The following CLTCL1 variants were observed in gnomAD, a reference collection of about 807,000 sequenced individuals.
The protein encoded by CLTCL1 is clathrin heavy chain like 1, also known as clathrin heavy chain 2.
Under a neutral mutation model 190.0 loss-of-function variants are expected in CLTCL1, and 159 were observed. The ratio of observed to expected loss-of-function variants is 0.84; its 90% confidence interval spans 0.74 to 0.95. CLTCL1 has a LOEUF of 0.95. CLTCL1 is among the 40% of genes least tolerant of loss of function. The pLI is 0.00. For missense variants in CLTCL1, 1,878 were observed against 2,033.4 expected (o/e 0.92, Z 1.47); for synonymous variants, 752 against 769.6 (o/e 0.98, Z 0.38).
chr22:19,218,114 A>G (rs1569183838), intron 18 of CLTCL1, among the ~76,000 whole-genome samples: 1 of 152,148 alleles, frequency 6.6e-6, no homozygotes, highest in South Asian at 2.1e-4. Context: ...GGAGGTGGCT[A>G]CAGATATCCA....
At chr22:19,234,339 G>C (rs1377510800) in intron 7 of CLTCL1, among the ~76,000 whole-genome samples, 170 bp downstream of exon 7, 1 of 152,150 alleles carries the variant, frequency 6.6e-6, no homozygotes, top group Non-Finnish European at 1.5e-5. Context: ...TGTGTTTTTT[G>C]TTTACTTCCT....
intron 31 of CLTCL1, 150 bp downstream of exon 31, chr22:19,180,581 C>G (rs1184484130): frequency 1.4e-6 from 1 of 735,498 alleles, no homozygotes; most frequent in Admixed American, 2.4e-5. Context: ...TGGGCGTACA[C>G]TTCTCCACAC....
rs782593248 is a variant in CLTCL1 at position 19,291,691 on chromosome 22, C to G, written c.-50G>C. On this transcript the variant is annotated 5_prime_UTR_variant, in exon 1 of 33. Coordinates refer to ENST00000427926, the MANE Select transcript of CLTCL1 (RefSeq NM_007098.4). Reference sequence around the variant, plus strand: ...GCGGCGGCAGCGGCAGGAATGAACGCCGACCCCTCGCGCGGGCTGACCGGT... The same window carrying G: ...GCGGCGGCAGCGGCAGGAATGAACGGCGACCCCTCGCGCGGGCTGACCGGT... The G allele has an allele frequency of 7.5e-6, 10 of 1,327,300 alleles. No homozygotes were observed. Among genetic ancestry groups the G allele is most frequent in the African/African-American group, 1.5e-5 (1 of 65,296 alleles). The allele number at this position is 1,327,300 out of a possible 1,614,324, so 82.2% of individuals were successfully genotyped here.
At chr22:19,189,655 C>T (rs1215982129) in intron 27 of CLTCL1, among the ~76,000 whole-genome samples, 1 of 152,220 alleles carries the variant, frequency 6.6e-6, no homozygotes, top group African/African-American at 2.4e-5. Context: ...TGACTTTCTC[C>T]ACTGAAGTCC....
rs1011553146 is a variant in CLTCL1 at position 19,191,129 on chromosome 22, A to C, written c.4323+175T>G. On this transcript the variant is annotated intron_variant, in intron 27 of 32. Transcript: ENST00000427926. Reference sequence around the variant, plus strand: ...GAATTTGAGAAGCACAATAAAATGAAGCATGATACGGGAGGTATTCCTGTA... The same window carrying C: ...GAATTTGAGAAGCACAATAAAATGACGCATGATACGGGAGGTATTCCTGTA... 2.0e-5 allele frequency among the ~76,000 whole-genome samples: 3 copies of C among 152,244 alleles called. No homozygotes were observed. In the East Asian group the frequency reaches 5.8e-4, roughly 29 times the overall value.
chr22:19,208,984 G>A lies in CLTCL1; in HGVS notation c.3380C>T (p.Ser1127Phe). ...GGAAGGGTCGTCCCCTCTGATATAG[G>A]AGTTGATGGCTTCCTTCACCAAATC... ...QKDLVKEAINSYIRGDDPSSY... is the reference protein window; with the variant it reads ...QKDLVKEAINFYIRGDDPSSY... Residue 1127 changes from serine to phenylalanine, a missense_variant, in exon 21 of 33, where the codon TCC becomes TTC. Coordinates refer to ENST00000427926, the MANE Select transcript of CLTCL1 (RefSeq NM_007098.4). 1 of 1,612,128 alleles carries A rather than the reference G, an allele frequency of 6.2e-7. No homozygotes were observed. Among genetic ancestry groups the A allele is most frequent in the Non-Finnish European group, 8.5e-7 (1 of 1,179,214 alleles).
At chr22:19,218,420 A>G (rs1268483575) in intron 18 of CLTCL1, among the ~76,000 whole-genome samples, 1 of 152,242 alleles carries the variant, frequency 6.6e-6, no homozygotes, top group Admixed American at 6.5e-5. Flanking sequence ...CATAAATCTC[A>G]AAGTATTTCA....
In CLTCL1 at chr22:19,290,215, T is replaced by C. The variant is rs782450049; in HGVS notation, c.42+1385A>G. 2.6e-5 allele frequency among the ~76,000 whole-genome samples: 4 copies of C among 152,202 alleles called. No homozygotes were observed. The East Asian group carries it at 7.7e-4, about 29-fold the overall frequency. ...TTTAGATAGTGGTTAAGCACAGGCA[T>C]TGGAATCAGACCTGGGTTAGAACTC... On this transcript the variant is annotated intron_variant, in intron 1 of 32. Coordinates refer to ENST00000427926, the MANE Select transcript of CLTCL1 (RefSeq NM_007098.4).
intron 22 of CLTCL1, among the ~76,000 whole-genome samples, chr22:19,207,330 T>G: frequency 6.6e-6 from 1 of 152,186 alleles, no homozygotes; most frequent in Non-Finnish European, 1.5e-5. Context: ...TAATTTTCAA[T>G]ATATATTTTA....
In CLTCL1 at chr22:19,242,762, G is replaced by C; in HGVS notation, c.681+13C>G. ...CACTTTTCTCAGGGAGAAGACAGTA[G>C]AGTGGATCTTACCTTGCCTCCTGTG... On this transcript the variant is annotated intron_variant, in intron 4 of 32. Coordinates refer to ENST00000427926, the MANE Select transcript of CLTCL1 (RefSeq NM_007098.4). The C allele has an allele frequency of 6.2e-7, 1 of 1,613,812 alleles. No homozygotes were observed. Among genetic ancestry groups the C allele is most frequent in the Non-Finnish European group, 8.5e-7 (1 of 1,179,828 alleles).
intron 1 of CLTCL1, among the ~76,000 whole-genome samples, chr22:19,277,779 T>C (rs1172349789): frequency 6.6e-6 from 1 of 152,204 alleles, no homozygotes; most frequent in African/African-American, 2.4e-5. Context: ...CACCTAGTTA[T>C]CCTACAATTT....
intron 1 of CLTCL1, among the ~76,000 whole-genome samples, chr22:19,279,340 T>C (rs1448860403): frequency 1.3e-5 from 2 of 151,936 alleles, no homozygotes; most frequent in African/African-American, 4.8e-5. Flanking sequence ...TTTCACCATA[T>C]TAGCTAGGCT....
intron 1 of CLTCL1, among the ~76,000 whole-genome samples, chr22:19,276,995 T>A (rs1437915052): frequency 6.6e-6 from 1 of 152,138 alleles, no homozygotes; most frequent in African/African-American, 2.4e-5. Flanking sequence ...TTAAACACTG[T>A]TCTGTTCAGC....
intron 1 of CLTCL1, among the ~76,000 whole-genome samples, chr22:19,278,116 T>G (rs1371950688): frequency 6.6e-6 from 1 of 152,186 alleles, no homozygotes; most frequent in Non-Finnish European, 1.5e-5. Context: ...ACACCGCTCT[T>G]CAGGGACCTC....
At position 19,221,946 on chromosome 22, in the gene CLTCL1, C is replaced by A; in HGVS notation, c.2561+5G>T. 1 of 1,613,692 alleles carries A rather than the reference C, an allele frequency of 6.2e-7. No homozygotes were observed. The highest frequency in any genetic ancestry group is 8.5e-7 in the Non-Finnish European group (1 of 1,179,798). On this transcript the variant is annotated splice_donor_5th_base_variant and intron_variant, in intron 16 of 32. Transcript: ENST00000427926. ...AAGAGAAAACACCAAGTAAGGACAC[C>A]TTACCTATTTCTTTTTTCTACTTCA...
At chr22:19,276,349 T>G (rs1165567163) in intron 1 of CLTCL1, among the ~76,000 whole-genome samples, 1 of 152,216 alleles carries the variant, frequency 6.6e-6, no homozygotes, top group Non-Finnish European at 1.5e-5. Flanking sequence ...ACATCTGACT[T>G]GAATGAATTT....
Position 19,222,794 on chromosome 22 carries a change from C to T in CLTCL1, c.2308G>A (p.Asp770Asn), listed in dbSNP as rs773312560. Reference protein sequence around the residue: ...KNFLKEAKLTDQLPLIIVCDR... With the variant: ...KNFLKEAKLTNQLPLIIVCDR... The stretch of plus-strand genomic sequence containing the variant: ...CACACGATGATGAGGGGAAGCTGGT[C>T]TGTGAGCTTGGCCTCCTGAGGATTA... Residue 770 changes from aspartate (D) to asparagine (N), a missense_variant, in exon 15 of 33, where the codon GAC (aspartate) becomes AAC (asparagine). Transcript: ENST00000427926. 1 of 1,599,150 alleles carries T rather than the reference C, an allele frequency of 6.3e-7. No homozygotes were observed. The highest frequency in any genetic ancestry group is 8.5e-7 in the Non-Finnish European group (1 of 1,172,858).
intron 22 of CLTCL1, chr22:19,207,684 G>A (rs1480541226): frequency 4.2e-6 from 2 of 472,146 alleles, no homozygotes; most frequent in Admixed American, 7.4e-5. Flanking sequence ...TGTATTTACA[G>A]CTGCTCCTCA....
chr22:19,290,080 A>G (rs2088053609), intron 1 of CLTCL1, among the ~76,000 whole-genome samples: 1 of 152,230 alleles, frequency 6.6e-6, no homozygotes, highest in African/African-American at 2.4e-5. Context: ...CATTTTCCAG[A>G]TAATGGAACA....
Sources: gnomAD v4.1 joint callset for allele counts (sites outside exome capture counted in the v4.1 genomes callset) on GRCh38, gnomAD v4.1.1 for gene constraint, MANE v1.5 for transcripts, NCBI Gene and HGNC (gene_info 2026-07-23, HGNC 2026-07-21) for gene names.